Variants in CNBD2 observed in about 807,000 individuals in gnomAD.
The protein encoded by CNBD2 is cyclic nucleotide-binding domain-containing protein 2.
In CNBD2, 64 loss-of-function variants were observed where a neutral mutation model predicts 63.7. The observed-to-expected ratio is 1.00, with a 90% CI of 0.82 to 1.24. The LOEUF (loss-of-function observed/expected upper bound fraction) is 1.24. Ranked by LOEUF, CNBD2 falls within the 50% of genes most tolerant of loss-of-function variation. The pLI, the probability that CNBD2 is intolerant of heterozygous loss-of-function variation, is 0.00. For missense variants in CNBD2, 691 were observed against 713.5 expected (o/e 0.97, Z 0.36); for synonymous variants, 229 against 255.4 (o/e 0.90, Z 0.99).
upstream of CNBD2, chr20:35,954,614 C>T (rs1412191867): frequency 2.4e-5 from 33 of 1,353,454 alleles, no homozygotes; most frequent in Non-Finnish European, 3.1e-5. Context: ...TGCGGGAGGG[C>T]GAGCTGCGCG....
intron 8 of CNBD2, among the ~76,000 whole-genome samples, chr20:36,007,513 A>G (rs1295299945): frequency 1.3e-5 from 2 of 152,120 alleles, no homozygotes; most frequent in East Asian, 3.9e-4. Context: ...TGCTAGGCAT[A>G]TCACATACTT....
chr20:35,987,424 A>G lies in CNBD2; in HGVS notation c.746A>G (p.Asp249Gly), dbSNP rs1197914933. 6.2e-7 allele frequency: 1 copy of G among 1,614,102 alleles called. No homozygotes were observed. The highest frequency in any genetic ancestry group is 8.5e-7 in the Non-Finnish European group (1 of 1,180,044). Residue 249 changes from aspartate to glycine, a missense_variant, in exon 7 of 12, where the codon GAT becomes GGT. Coordinates refer to ENST00000373973, the MANE Select transcript of CNBD2 (RefSeq NM_001365709.1). ...RKMELFASWS[D>G]EKLWQLVAMA... ...ATGGAGCTGTTTGCATCATGGTCTG[A>G]TGAGAAGCTCTGGCAGCTGGTAGCC...
chr20:35,976,911 G>A (rs973639245), intron 3 of CNBD2, among the ~76,000 whole-genome samples: 1 of 152,078 alleles, frequency 6.6e-6, no homozygotes. Flanking sequence ...CCCATCTCCT[G>A]CCCCACCCCT....
downstream of CNBD2, among the ~76,000 whole-genome samples, chr20:35,955,941 G>A (rs1381693435): frequency 2.0e-5 from 3 of 152,070 alleles, no homozygotes; most frequent in Non-Finnish European, 4.4e-5. Flanking sequence ...GACTGGTCTC[G>A]AACTCTTGAC....
chr20:36,012,770 T>C (rs983671541), intron 10 of CNBD2, among the ~76,000 whole-genome samples: 3 of 139,086 alleles, frequency 2.2e-5, no homozygotes, highest in Non-Finnish European at 3.0e-5. Context: ...TGCAGTGAGC[T>C]GAGATCGCGC....
chr20:35,994,239 A>G (rs534003675), intron 7 of CNBD2, among the ~76,000 whole-genome samples: 41 of 151,748 alleles, frequency 2.7e-4, no homozygotes, highest in African/African-American at 9.7e-4. Context: ...CTAATTTTGT[A>G]TTTTTAGTAG....
chr20:35,999,700 G>A (rs1336296353), intron 8 of CNBD2, among the ~76,000 whole-genome samples: 6 of 145,424 alleles, frequency 4.1e-5, no homozygotes, highest in Non-Finnish European at 7.5e-5. Context: ...TTTTTGAGAC[G>A]GAGTTTTGCT....
intron 3 of CNBD2, among the ~76,000 whole-genome samples, chr20:35,977,961 CCT>C (rs1169633615): frequency 5.3e-5 from 8 of 152,144 alleles, no homozygotes; most frequent in Non-Finnish European, 2.9e-5. Context: ...GACAACTAAG[CCT>C]CAGTATAGTC....
At chr20:35,997,737 CA>C (rs113923714) in intron 8 of CNBD2, among the ~76,000 whole-genome samples, 5,412 of 152,284 alleles carry the variant, frequency 0.036, 338 homozygotes, top group African/African-American at 0.12. Flanking sequence ...ATCATTACCA[CA>C]ACAGGCTGCT....
intron 10 of CNBD2, among the ~76,000 whole-genome samples, chr20:36,016,565 G>T (rs927436335): frequency 6.6e-6 from 1 of 152,124 alleles, no homozygotes; most frequent in African/African-American, 2.4e-5. Context: ...TGAGGCAGGT[G>T]GATCACCTGA....
At chr20:35,996,648 C>T (rs6142477) in intron 8 of CNBD2, among the ~76,000 whole-genome samples, 14 of 151,910 alleles carry the variant, frequency 9.2e-5, no homozygotes, top group African/African-American at 2.2e-4. Context: ...GCTGGGATTA[C>T]GGGCACATGC....
In CNBD2 at chr20:36,030,417, C is replaced by G. The variant is rs575842816; in HGVS notation, c.1500C>G (p.Asp500Glu). 1.3e-5 allele frequency: 21 copies of G among 1,614,160 alleles called. No homozygotes were observed. The highest frequency in any genetic ancestry group is 1.8e-5 in the Non-Finnish European group (21 of 1,180,036). The change falls in exon 12 of 12, where the codon GAC (aspartate) becomes GAG (glutamate). Residue 500 changes from aspartate (D) to glutamate (E), a missense_variant. Asp to Glu is a conservative substitution (Grantham distance 45). Coordinates refer to ENST00000373973, the MANE Select transcript of CNBD2 (RefSeq NM_001365709.1). ...ACAGCTGGAATATCTTTCGGAAGGACCTGTTGCAGCTGCTCGTGGAGCCTT... is the reference window on the plus strand; with the variant it reads ...ACAGCTGGAATATCTTTCGGAAGGAGCTGTTGCAGCTGCTCGTGGAGCCTT... ...QQNSWNIFRKDLLQLLVEPCQ... is the reference protein window; with the variant it reads ...QQNSWNIFRKELLQLLVEPCQ...
At chr20:35,976,857 G>A (rs1365371749) in intron 3 of CNBD2, among the ~76,000 whole-genome samples, 2 of 152,150 alleles carry the variant, frequency 1.3e-5, no homozygotes, top group African/African-American at 4.8e-5. Context: ...CTCAGTGGAA[G>A]GGGAAAGAAA....
chr20:36,020,751 C>T (rs1318918019), intron 10 of CNBD2, among the ~76,000 whole-genome samples: 1 of 152,138 alleles, frequency 6.6e-6, no homozygotes, highest in Non-Finnish European at 1.5e-5. Flanking sequence ...TATGCAAGTC[C>T]TGGCATTGAC....
At chr20:35,984,912 G>C in intron 6 of CNBD2, 134 bp downstream of exon 6, 1 of 818,426 alleles carries the variant, frequency 1.2e-6, no homozygotes, top group South Asian at 1.6e-5. Context: ...GTCCCACCTC[G>C]TACCCACCTT....
rs568082608 is a variant in CNBD2 at position 35,979,589 on chromosome 20, A to G, written c.244-870A>G. Among the ~76,000 whole-genome samples the G allele has an allele frequency of 1.5e-3, 229 of 152,314 alleles. 1 individual carries two copies. Among genetic ancestry groups the G allele is most frequent in the African/African-American group, 5.3e-3 (221 of 41,570 alleles). ...TCTTAATAGTGTCAGAATGGCAATTATATTTTGACACAAGTTTTGGAGGGG... is the reference window on the plus strand; with the variant it reads ...TCTTAATAGTGTCAGAATGGCAATTGTATTTTGACACAAGTTTTGGAGGGG... On this transcript the variant is annotated intron_variant, in intron 3 of 11. Transcript: ENST00000373973.
chr20:36,010,765 GA>G (rs2057047639), intron 9 of CNBD2, among the ~76,000 whole-genome samples: 1 of 128,312 alleles, frequency 7.8e-6, no homozygotes, highest in African/African-American at 3.4e-5. Flanking sequence ...CCGTCTCAAA[GA>G]AAAAAAAGAA....
downstream of CNBD2, chr20:35,959,280 T>G (rs1429855195): frequency 1.3e-5 from 2 of 151,850 alleles, no homozygotes; most frequent in Non-Finnish European, 2.9e-5. Context: ...AATATGTAAG[T>G]TCTAGTATGT....
At chr20:35,975,405 A>C (rs1601022020) in intron 2 of CNBD2, among the ~76,000 whole-genome samples, 1 of 107,072 alleles carries the variant, frequency 9.3e-6, no homozygotes, top group Non-Finnish European at 1.9e-5. Context: ...GGTTCACGCC[A>C]TTCTCCTGCC....
Sources: gnomAD v4.1 joint callset for allele counts (sites outside exome capture counted in the v4.1 genomes callset) on GRCh38, gnomAD v4.1.1 for gene constraint, MANE v1.5 for transcripts, NCBI Gene and HGNC (gene_info 2026-07-23, HGNC 2026-07-21) for gene names.